FCHSD2: variants seen among roughly 807,000 people sequenced by gnomAD.
FCHSD2 encodes the protein FCH and double SH3 domains 2, also known as F-BAR and double SH3 domains protein 2.
In FCHSD2, 38 loss-of-function variants were observed where a neutral mutation model predicts 108.1. The ratio of observed to expected loss-of-function variants is 0.35; its 90% CI spans 0.27 to 0.46. FCHSD2 has a LOEUF of 0.46. Ranked by LOEUF, FCHSD2 falls within the 20% of genes least tolerant of loss-of-function variation. FCHSD2 has a pLI of 1.00. For missense variants in FCHSD2, 751 were observed against 897.8 expected (o/e 0.84, Z 2.09); for synonymous variants, 279 against 314.7 (o/e 0.89, Z 1.20).
Position 73,142,174 on chromosome 11 carries a change from G to C in FCHSD2, c.-297C>G, listed in dbSNP as rs1248186804. On this transcript the variant is annotated 5_prime_UTR_variant, in exon 1 of 20. Coordinates refer to ENST00000409418, the MANE Select transcript of FCHSD2 (RefSeq NM_014824.3). ...GACGGCGAGGGGGCGGGGGCCCCAG[G>C]AGCAGGGGCGCGAGGGTCTCAGCCG... 1 of 224,784 alleles carries C rather than the reference G, an allele frequency of 4.4e-6. No individual in the cohort carries two copies. The highest frequency in any genetic ancestry group is 8.7e-6 in the Non-Finnish European group (1 of 115,106). 13.9% of individuals were successfully genotyped at this position (224,784 alleles called of 1,614,324 possible).
At chr11:73,012,538 A>T (rs1478855065) in intron 4 of FCHSD2, among the ~76,000 whole-genome samples, 1 of 152,214 alleles carries the variant, frequency 6.6e-6, no homozygotes, top group Non-Finnish European at 1.5e-5. Flanking sequence ...AATACGAAAA[A>T]GTTAAATGGA....
chr11:73,059,866 T>C (rs564987727), intron 3 of FCHSD2, among the ~76,000 whole-genome samples: 44 of 152,332 alleles, frequency 2.9e-4, no homozygotes, highest in Admixed American at 2.5e-3. Context: ...CCTTGACTAA[T>C]AGAAGACTTG....
chr11:73,045,297 G>C (rs1156468317), intron 3 of FCHSD2, among the ~76,000 whole-genome samples: 3 of 150,802 alleles, frequency 2.0e-5, no homozygotes, highest in South Asian at 2.1e-4. Context: ...TGGAGAAATA[G>C]GAACACTTTT....
intron 5 of FCHSD2, among the ~76,000 whole-genome samples, chr11:72,993,696 G>A (rs866341115): frequency 6.6e-6 from 1 of 150,578 alleles, no homozygotes. Context: ...CTCATAGGTG[G>A]GAATTGAACA....
chr11:73,063,485 C>T (rs901933546), intron 3 of FCHSD2, among the ~76,000 whole-genome samples: 1 of 152,118 alleles, frequency 6.6e-6, no homozygotes, highest in Admixed American at 6.5e-5. Context: ...TTAAAAGACA[C>T]AGACTGGCAA....
intron 8 of FCHSD2, among the ~76,000 whole-genome samples, chr11:72,947,056 A>G (rs1010613095): frequency 2.6e-5 from 4 of 152,230 alleles, no homozygotes; most frequent in Non-Finnish European, 5.9e-5. Flanking sequence ...TTCAGGTCCA[A>G]GAAAATGAGA....
At chr11:72,867,722 A>G in intron 13 of FCHSD2, 143 bp downstream of exon 13, 1 of 634,860 alleles carries the variant, frequency 1.6e-6, no homozygotes. Flanking sequence ...TAAATCAATT[A>G]GTGATAGGCT....
chr11:73,111,460 AT>A (rs1027980791), intron 2 of FCHSD2, among the ~76,000 whole-genome samples: 2 of 121,620 alleles, frequency 1.6e-5, no homozygotes, highest in African/African-American at 7.0e-5. Context: ...ATCTTTCTCC[AT>A]CCTTTTTTTT....
At chr11:72,897,720 C>A (rs957529391) in intron 10 of FCHSD2, among the ~76,000 whole-genome samples, 1 of 152,098 alleles carries the variant, frequency 6.6e-6, no homozygotes, top group African/African-American at 2.4e-5. Context: ...ATCACTAACC[C>A]CAGTGTGATC....
At chr11:73,087,183 T>C (rs1270003648) in intron 2 of FCHSD2, among the ~76,000 whole-genome samples, 1 of 152,118 alleles carries the variant, frequency 6.6e-6, no homozygotes, top group South Asian at 2.1e-4. Flanking sequence ...TTAATGTATG[T>C]GTGTCTTTGT....
chr11:73,036,019 C>T (rs1858488737), intron 3 of FCHSD2, among the ~76,000 whole-genome samples: 2 of 152,018 alleles, frequency 1.3e-5, no homozygotes, highest in Admixed American at 1.3e-4. Flanking sequence ...ACTCCTCGCC[C>T]AGTTTTTATT....
At position 73,134,127 on chromosome 11, in the gene FCHSD2, G is replaced by A. The variant is rs184515736; in HGVS notation, c.119+5904C>T. Among the ~76,000 whole-genome samples the A allele has an allele frequency of 2.0e-5, 3 of 151,482 alleles. No homozygotes were observed. In the East Asian group the frequency reaches 5.8e-4, roughly 29 times the overall value. ...AAAAAAAAAACTCTAGACCAGATTA[G>A]ATTACCTCTAAGATCTCTTTCTAGA... is the stretch of plus-strand genomic sequence containing the variant. On this transcript the variant is annotated intron_variant, in intron 2 of 19. Coordinates refer to ENST00000409418, the MANE Select transcript of FCHSD2 (RefSeq NM_014824.3).
rs544483195 is a variant in FCHSD2, at chr11:72,945,121, G to C, written c.706-23171C>G. Among the ~76,000 whole-genome samples, 1,189 of 152,248 alleles carry C rather than the reference G, an allele frequency of 7.8e-3. 14 individuals carry two copies. The highest frequency in any genetic ancestry group is 0.027 in the African/African-American group (1,124 of 41,520). On this transcript the variant is annotated intron_variant, in intron 8 of 19. Coordinates refer to ENST00000409418, the MANE Select transcript of FCHSD2 (RefSeq NM_014824.3). The stretch of plus-strand genomic sequence containing the variant: ...ATCCTAAGCCAAAAGAACAAAGCTG[G>C]AGGCATCACACTACCTGACTTCAAA...
intron 3 of FCHSD2, among the ~76,000 whole-genome samples, chr11:73,082,890 T>A (rs553167696): frequency 2.0e-5 from 3 of 152,300 alleles, no homozygotes; most frequent in African/African-American, 7.2e-5. Flanking sequence ...AACCATAAAA[T>A]GATACATCAA....
At chr11:72,860,915 C>A (rs949189418) in intron 13 of FCHSD2, among the ~76,000 whole-genome samples, 2 of 151,980 alleles carry the variant, frequency 1.3e-5, no homozygotes, top group Non-Finnish European at 2.9e-5. Flanking sequence ...GCAATACTTA[C>A]AGGGAAATGT....
chr11:72,958,770 T>G (rs1856763823), intron 8 of FCHSD2, among the ~76,000 whole-genome samples: 1 of 152,186 alleles, frequency 6.6e-6, no homozygotes, highest in Admixed American at 6.5e-5. Flanking sequence ...AAAAGTTATC[T>G]ATTTTAACCA....
chr11:73,042,771 C>T lies in FCHSD2; in HGVS notation c.166-26886G>A, dbSNP rs141204574. On this transcript the variant is annotated intron_variant, in intron 3 of 19. Transcript: ENST00000409418. Reference sequence around the variant, plus strand: ...CGGTTTTTTGTTGTAGGTCTTTCATCTCCTTGGTTAAATTTATTCCTAGGA... The same window carrying T: ...CGGTTTTTTGTTGTAGGTCTTTCATTTCCTTGGTTAAATTTATTCCTAGGA... 3.8e-3 allele frequency among the ~76,000 whole-genome samples: 579 copies of T among 152,042 alleles called. 5 individuals are homozygous for T. Among genetic ancestry groups the T allele is most frequent in the Non-Finnish European group, 4.5e-3 (309 of 67,978 alleles).
chr11:72,915,098 C>T (rs1365272259), intron 9 of FCHSD2, among the ~76,000 whole-genome samples: 1 of 149,884 alleles, frequency 6.7e-6, no homozygotes, highest in African/African-American at 2.5e-5. Flanking sequence ...CATGAACAGA[C>T]ACTTCTGAAA....
chr11:72,865,779 ATCTT>A (rs1188584221), intron 13 of FCHSD2, among the ~76,000 whole-genome samples: 2 of 152,146 alleles, frequency 1.3e-5, no homozygotes, highest in South Asian at 2.1e-4. Flanking sequence ...GAGTCTTTTA[ATCTT>A]TCTTTCAGAA....
Sources: allele counts gnomAD v4.1 joint callset (sites outside exome capture counted in the v4.1 genomes callset), GRCh38; gene constraint gnomAD v4.1.1; transcripts MANE v1.5; gene names NCBI Gene and HGNC (gene_info 2026-07-23, HGNC 2026-07-21).